The following AKR1C8 variants were observed in gnomAD, a reference collection of about 807,000 sequenced individuals.
AKR1C8 encodes aldo-keto reductase family 1 member C8.
chr10:5,148,896 C>T, the AKR1C8 span, among the ~76,000 whole-genome samples: 80,430 of 151,458 alleles, frequency 0.53, 22,311 homozygotes, highest in Non-Finnish European at 0.6. Context: ...TTCTAGGAGG[C>T]TGTGAAGTCT....
the AKR1C8 span, chr10:5,154,215 T>C: frequency 2.1e-6 from 1 of 469,292 alleles, no homozygotes; most frequent in Admixed American, 2.4e-5. Context: ...TTAGTAACTT[T>C]TTTCCATTCT....
At chr10:5,142,996 A>T in the AKR1C8 span, among the ~76,000 whole-genome samples, 1 of 152,100 alleles carries the variant, frequency 6.6e-6, no homozygotes, top group East Asian at 1.9e-4. Flanking sequence ...AAATGGGTTA[A>T]TTTATAAGGA....
At chr10:5,123,664 C>G in the AKR1C8 span, 26 of 1,523,754 alleles carry the variant, frequency 1.7e-5, no homozygotes, top group Non-Finnish European at 2.3e-5. Flanking sequence ...AATTAAAATA[C>G]TTCATCAAAA....
the AKR1C8 span, among the ~76,000 whole-genome samples, chr10:5,174,993 GT>G: frequency 6.6e-6 from 1 of 152,062 alleles, no homozygotes; most frequent in South Asian, 2.1e-4. Flanking sequence ...TATATTTTAA[GT>G]TTTAGGGTAC....
At chr10:5,116,693 C>A in the AKR1C8 span, among the ~76,000 whole-genome samples, 1 of 152,160 alleles carries the variant, frequency 6.6e-6, no homozygotes, top group Non-Finnish European at 1.5e-5. Context: ...AGTGCACAAC[C>A]AGGTGCACTG....
chr10:5,158,691 G>A, the AKR1C8 span: 3 of 490,710 alleles, frequency 6.1e-6, no homozygotes, highest in Admixed American at 4.3e-5. Flanking sequence ...CTCTGGTTGA[G>A]GTAAGGGTGA....
chr10:5,145,487 A>C, the AKR1C8 span, among the ~76,000 whole-genome samples: 1 of 151,982 alleles, frequency 6.6e-6, no homozygotes, highest in Non-Finnish European at 1.5e-5. Flanking sequence ...AATGAACTCA[A>C]ACAAATTTAC....
chr10:5,161,333 A>G, the AKR1C8 span, among the ~76,000 whole-genome samples: 44,048 of 152,046 alleles, frequency 0.29, 7,114 homozygotes, highest in Non-Finnish European at 0.36. Flanking sequence ...GAGTAAGGAC[A>G]TCAGAAGTGC....
At chr10:5,146,175 A>G in the AKR1C8 span, among the ~76,000 whole-genome samples, 1 of 125,470 alleles carries the variant, frequency 8.0e-6, no homozygotes, top group Non-Finnish European at 1.6e-5. Flanking sequence ...AGGAAGGGGA[A>G]CATCACACTC....
the AKR1C8 span, among the ~76,000 whole-genome samples, chr10:5,133,986 C>T: frequency 2.0e-5 from 3 of 152,050 alleles, no homozygotes; most frequent in Non-Finnish European, 4.4e-5. Context: ...GATATAATTT[C>T]AGTGAAATTT....
the AKR1C8 span, among the ~76,000 whole-genome samples, chr10:5,147,835 G>A: frequency 6.6e-6 from 1 of 152,144 alleles, no homozygotes; most frequent in East Asian, 1.9e-4. Context: ...GGATCTGGAC[G>A]GCTGTGGTCC....
the AKR1C8 span, among the ~76,000 whole-genome samples, chr10:5,165,746 A>G: frequency 1.3e-5 from 2 of 152,142 alleles, no homozygotes; most frequent in African/African-American, 4.8e-5. Context: ...ATAGCTTGAA[A>G]AGACAGAGAT....
At chr10:5,130,036 C>A in the AKR1C8 span, among the ~76,000 whole-genome samples, 59,552 of 151,684 alleles carry the variant, frequency 0.39, 12,492 homozygotes, top group Non-Finnish European at 0.43. Context: ...TACTAGCTAA[C>A]CAAATGCATC....
the AKR1C8 span, among the ~76,000 whole-genome samples, chr10:5,152,138 T>C: frequency 6.6e-6 from 1 of 152,200 alleles, no homozygotes; most frequent in Non-Finnish European, 1.5e-5. Context: ...CAGTTTTAAA[T>C]GTAAAAATTT....
At chr10:5,144,341 T>C in the AKR1C8 span, among the ~76,000 whole-genome samples, 6 of 152,184 alleles carry the variant, frequency 3.9e-5, no homozygotes, top group African/African-American at 4.8e-5. Context: ...GGCTTAGGAT[T>C]GACTTGGCGA....
At chr10:5,130,421 G>T in the AKR1C8 span, among the ~76,000 whole-genome samples, 1 of 151,858 alleles carries the variant, frequency 6.6e-6, no homozygotes, top group African/African-American at 2.4e-5. Context: ...GGAGGTCCTA[G>T]CCAGAGAAAT....
the AKR1C8 span, chr10:5,132,828 CACAA>C: frequency 5.6e-6 from 4 of 717,964 alleles, no homozygotes; most frequent in Non-Finnish European, 8.9e-6. Context: ...GTAGTTCAGG[CACAA>C]ACAATGACCC....
At chr10:5,162,421 T>C in the AKR1C8 span, among the ~76,000 whole-genome samples, 3 of 152,230 alleles carry the variant, frequency 2.0e-5, no homozygotes, top group East Asian at 1.9e-4. Flanking sequence ...TCTGTTTACA[T>C]ATGAAGCATG....
chr10:5,177,013 T>A, the AKR1C8 span, among the ~76,000 whole-genome samples: 1 of 151,972 alleles, frequency 6.6e-6, no homozygotes, highest in Admixed American at 6.6e-5. Context: ...TCCAACACTA[T>A]GTTGAATAGG....
Sources: gnomAD v4.1 joint callset for allele counts (sites outside exome capture counted in the v4.1 genomes callset) on GRCh38, gnomAD v4.1.1 for gene constraint, MANE v1.5 for transcripts, NCBI Gene and HGNC (gene_info 2026-07-23, HGNC 2026-07-21) for gene names.